AJAP1: variants seen among roughly 807,000 people sequenced by gnomAD.
AJAP1 encodes adherens junction-associated protein 1.
In AJAP1, 5 loss-of-function variants were observed where a neutral mutation model predicts 35.0. That is an observed-to-expected ratio of 0.14 (90% CI 0.07 to 0.30). AJAP1 has a LOEUF of 0.30. AJAP1 is among the 10% of genes least tolerant of loss of function. The pLI is 1.00. For synonymous variants in AJAP1, 284 were observed against 249.3 expected (o/e 1.14, Z -1.31); for missense variants, 586 against 571.0 (o/e 1.03, Z -0.27).
At position 4,691,136 on chromosome 1, in the gene AJAP1, G is replaced by A. The variant is rs567363932; in HGVS notation, c.30-20764G>A. Reference sequence around the variant, plus strand: ...CCGTGAGCTCACTGTGCTTATGGTCGTGACTAAGCTGGGACCAGAAGCCAG... The same window carrying A: ...CCGTGAGCTCACTGTGCTTATGGTCATGACTAAGCTGGGACCAGAAGCCAG... On this transcript the variant is annotated intron_variant, in intron 1 of 5. Transcript: ENST00000378191. 2.4e-3 allele frequency among the ~76,000 whole-genome samples: 370 copies of A among 152,316 alleles called. 1 individual carries two copies. The highest frequency in any genetic ancestry group is 1.1e-3 in the Non-Finnish European group (77 of 68,032).
intron 1 of AJAP1, among the ~76,000 whole-genome samples, chr1:4,699,791 T>C (rs1317983364): frequency 6.6e-6 from 1 of 152,146 alleles, no homozygotes; most frequent in Non-Finnish European, 1.5e-5. Context: ...CAGCTACTAT[T>C]TCTGTGTTTT....
chr1:4,744,723 C>T (rs898652889), intron 2 of AJAP1, among the ~76,000 whole-genome samples: 20 of 152,184 alleles, frequency 1.3e-4, no homozygotes, highest in African/African-American at 4.6e-4. Flanking sequence ...TATACCCTGG[C>T]ACACATGCCC....
Position 4,656,079 on chromosome 1 carries a change from T to G in AJAP1, c.29+625T>G, listed in dbSNP as rs1412690341. ...GCTGGGGCGGGAGAGCTGGGGTTCTTGGGGAGCTCCGGCGGCCACCCCGCT... is the reference window on the plus strand; with the variant it reads ...GCTGGGGCGGGAGAGCTGGGGTTCTGGGGGAGCTCCGGCGGCCACCCCGCT... On this transcript the variant is annotated intron_variant, in intron 1 of 5. Transcript: ENST00000378191. This position sits in a 1 kb window ranked among gnomAD's most constrained non-coding sequence, Gnocchi z 5.7. Among the ~76,000 whole-genome samples the G allele has an allele frequency of 6.6e-6, 1 of 151,634 alleles. No individual in the cohort carries two copies. The highest frequency in any genetic ancestry group is 2.4e-5 in the African/African-American group (1 of 41,258).
chr1:4,747,034 A>G (rs1178702583), intron 2 of AJAP1, among the ~76,000 whole-genome samples: 3 of 152,212 alleles, frequency 2.0e-5, no homozygotes, highest in Non-Finnish European at 4.4e-5. Flanking sequence ...ACGTGAGGTC[A>G]CCTGTGGGAG....
chr1:4,685,670 G>A lies in AJAP1; in HGVS notation c.30-26230G>A, dbSNP rs558136938. 7.7e-4 allele frequency among the ~76,000 whole-genome samples: 118 copies of A among 152,338 alleles called. 1 individual carries two copies. Among genetic ancestry groups the A allele is most frequent in the Non-Finnish European group, 1.5e-3 (101 of 68,042 alleles). On this transcript the variant is annotated intron_variant, in intron 1 of 5. Transcript: ENST00000378191. Reference sequence around the variant, plus strand: ...AGACCAAGACCCTGCCCCAGCGAAGGAGAGGCAAGCTCCACAAAGAAGGCT... The same window carrying A: ...AGACCAAGACCCTGCCCCAGCGAAGAAGAGGCAAGCTCCACAAAGAAGGCT...
intron 4 of AJAP1, among the ~76,000 whole-genome samples, chr1:4,773,716 A>C (rs146044225): frequency 1.5e-4 from 23 of 152,328 alleles, no homozygotes; most frequent in Non-Finnish European, 2.4e-4. Flanking sequence ...TGTTTCACTG[A>C]ATATGTGGAT....
At chr1:4,741,889 C>A (rs771833191) in intron 2 of AJAP1, among the ~76,000 whole-genome samples, 4 of 152,324 alleles carry the variant, frequency 2.6e-5, no homozygotes, top group Non-Finnish European at 5.9e-5. Flanking sequence ...AGAGGCCAGC[C>A]CAAAGGGGCT....
chr1:4,685,170 G>A (rs1570109322), intron 1 of AJAP1, among the ~76,000 whole-genome samples: 1 of 152,176 alleles, frequency 6.6e-6, no homozygotes, highest in African/African-American at 2.4e-5. Context: ...GTGCATGGCT[G>A]TGTCCACAAC....
intron 1 of AJAP1, among the ~76,000 whole-genome samples, chr1:4,681,923 G>A (rs987049482): frequency 1.3e-5 from 2 of 152,186 alleles, no homozygotes; most frequent in African/African-American, 4.8e-5. Context: ...GCCAGTTCCA[G>A]GTGCTGCTCT....
chr1:4,699,580 T>G (rs1639942270), intron 1 of AJAP1, among the ~76,000 whole-genome samples: 1 of 152,038 alleles, frequency 6.6e-6, no homozygotes, highest in Admixed American at 6.6e-5. Flanking sequence ...GGAAACAGTG[T>G]GGGTGATCTG....
intron 2 of AJAP1, among the ~76,000 whole-genome samples, chr1:4,743,834 C>A (rs1641125349): frequency 6.6e-6 from 1 of 152,110 alleles, no homozygotes; most frequent in African/African-American, 2.4e-5. Context: ...AATAATTGGC[C>A]TCCTGACTTC....
rs564324213 is a variant in AJAP1 at position 4,755,658 on chromosome 1, A to AGTAAGGAATGCTTTACTT, written c.830-14175_830-14158dup. 8.7e-3 allele frequency among the ~76,000 whole-genome samples: 1,319 copies of AGTAAGGAATGCTTTACTT among 152,246 alleles called. 21 individuals carry two copies. Among genetic ancestry groups the AGTAAGGAATGCTTTACTT allele is most frequent in the African/African-American group, 0.03 (1,228 of 41,494 alleles). The stretch of plus-strand genomic sequence containing the variant: ...TATTCAATGAGACTTGTTAGAGAGC[A>AGTAAGGAATGCTTTACTT]GTAAGGAATGCTTTACTTGTAAGGA... On this transcript the variant is annotated intron_variant, in intron 2 of 5. Coordinates refer to ENST00000378191, the MANE Select transcript of AJAP1 (RefSeq NM_018836.4).
At chr1:4,773,664 G>A (rs776863241) in intron 4 of AJAP1, among the ~76,000 whole-genome samples, 1 of 152,216 alleles carries the variant, frequency 6.6e-6, no homozygotes, top group Non-Finnish European at 1.5e-5. Flanking sequence ...CAGCCTTCCA[G>A]AAGGCTAAGT....
At chr1:4,771,185 G>A (rs147567477) in intron 3 of AJAP1, among the ~76,000 whole-genome samples, 49 of 152,308 alleles carry the variant, frequency 3.2e-4, no homozygotes, top group Non-Finnish European at 5.0e-4. Context: ...AGAACAGCCC[G>A]GGAGGATGGA....
At chr1:4,671,528 A>T (rs4144452) in intron 1 of AJAP1, among the ~76,000 whole-genome samples, 1 of 151,716 alleles carries the variant, frequency 6.6e-6, no homozygotes, top group Admixed American at 6.6e-5. Context: ...CACAGGCCCC[A>T]GACAGCTCAG....
At chr1:4,700,332 C>T (rs72638819) in intron 1 of AJAP1, among the ~76,000 whole-genome samples, 8,762 of 152,204 alleles carry the variant, frequency 0.058, 342 homozygotes, top group Middle Eastern at 0.085. Flanking sequence ...ACCCTGGGGT[C>T]TTCCACAACA....
In AJAP1 at chr1:4,692,385, G is replaced by T. The variant is rs1639762510; in HGVS notation, c.30-19515G>T. Among the ~76,000 whole-genome samples, 1 of 152,150 alleles carries T rather than the reference G, an allele frequency of 6.6e-6. No individual in the cohort carries two copies. Among genetic ancestry groups the T allele is most frequent in the South Asian group, 2.1e-4 (1 of 4,828 alleles). On this transcript the variant is annotated intron_variant, in intron 1 of 5. Transcript: ENST00000378191. This position sits in a 1 kb window ranked among gnomAD's most constrained non-coding sequence, Gnocchi z 4.4. ...TCTCAGCCTGCAGGAGAGGCTGGGG[G>T]GCACGTCTGAGGGTGCAGCAGAGGG...
chr1:4,705,711 G>A (rs1640087852), intron 1 of AJAP1, among the ~76,000 whole-genome samples: 1 of 152,070 alleles, frequency 6.6e-6, no homozygotes, highest in African/African-American at 2.4e-5. Flanking sequence ...ATGAAGAGGA[G>A]CATTCTATGC....
chr1:4,674,950 G>A (rs550913543), intron 1 of AJAP1, among the ~76,000 whole-genome samples: 1 of 152,266 alleles, frequency 6.6e-6, no homozygotes, highest in Non-Finnish European at 1.5e-5. Flanking sequence ...ACGTTGCCAT[G>A]TGGCCATGGA....
Sources: gnomAD v4.1 joint callset for allele counts (sites outside exome capture counted in the v4.1 genomes callset) on GRCh38, gnomAD v4.1.1 for gene constraint, Gnocchi (gnomAD v3.1) non-coding constraint, MANE v1.5 for transcripts, NCBI Gene and HGNC (gene_info 2026-07-23, HGNC 2026-07-21) for gene names.